The following TSHZ3 variants were observed in gnomAD, a reference collection of about 807,000 sequenced individuals.
TSHZ3 encodes teashirt homolog 3.
A neutral mutation model predicts 64.5 loss-of-function variants in TSHZ3; 10 were observed. That is an observed-to-expected ratio of 0.16 (90% confidence interval 0.10 to 0.26). The LOEUF (loss-of-function observed/expected upper bound fraction) is 0.26. TSHZ3 is among the 10% of genes least tolerant of loss of function. The pLI is 1.00. For synonymous variants in TSHZ3, 608 were observed against 593.1 expected (o/e 1.03, Z -0.36); for missense variants, 1,242 against 1,421.7 (o/e 0.87, Z 2.03).
downstream of TSHZ3, among the ~76,000 whole-genome samples, chr19:31,270,096 G>A (rs907131146): frequency 6.6e-6 from 1 of 152,170 alleles, no homozygotes; most frequent in African/African-American, 2.4e-5. Flanking sequence ...GAGAATGATC[G>A]GCAACTTCAT....
chr19:31,330,694 T>C (rs143228355), intron 1 of TSHZ3, among the ~76,000 whole-genome samples: 3,316 of 100,900 alleles, frequency 0.033, 56 homozygotes, highest in Non-Finnish European at 0.053. Context: ...AGCCAAGTGC[T>C]GTTTAATCCT....
At chr19:31,349,448 A>T (rs1300815040), upstream of TSHZ3, 1 of 329,428 alleles carries the variant, frequency 3.0e-6, no homozygotes, top group African/African-American at 2.3e-5. Flanking sequence ...AGGGCGGGCG[A>T]GGGAGGCTCG....
intron 3 of TSHZ3, among the ~76,000 whole-genome samples, chr19:31,240,226 G>A (rs1372116639): frequency 6.6e-6 from 1 of 152,092 alleles, no homozygotes; most frequent in East Asian, 1.9e-4. Context: ...TTTACATTAT[G>A]TAAAATTTTC....
rs561087024 is a variant in TSHZ3, at chr19:31,324,839, T to C, written c.40+24341A>G. 7.0e-4 allele frequency among the ~76,000 whole-genome samples: 107 copies of C among 152,358 alleles called. 1 individual carries two copies. The highest frequency in any genetic ancestry group is 1.3e-3 in the Non-Finnish European group (91 of 68,034). Reference sequence around the variant, plus strand: ...AAGCACAGTGATTTTTTTTTTATTTTTTCAATTCCGTAAGTGGAAAGTGAA... The same window carrying C: ...AAGCACAGTGATTTTTTTTTTATTTCTTCAATTCCGTAAGTGGAAAGTGAA... On this transcript the variant is annotated intron_variant, in intron 1 of 1. Coordinates refer to ENST00000240587, the MANE Select transcript of TSHZ3 (RefSeq NM_020856.4).
intron 1 of TSHZ3, among the ~76,000 whole-genome samples, chr19:31,348,325 C>T (rs907528912): frequency 7.0e-4 from 107 of 152,250 alleles, no homozygotes; most frequent in African/African-American, 2.5e-3. Context: ...TTCTTCCAGG[C>T]AACATGCCCC....
intron 6 of TSHZ3, among the ~76,000 whole-genome samples, chr19:31,153,126 C>T (rs568656750): frequency 2.0e-4 from 31 of 152,208 alleles, no homozygotes; most frequent in African/African-American, 7.2e-4. Flanking sequence ...ACTAATCCTG[C>T]CATTGGAGTT....
At position 31,277,538 on chromosome 19, in the gene TSHZ3, T is replaced by C. The variant is rs1454140959; in HGVS notation, c.2255A>G (p.Lys752Arg). 1 of 1,601,298 alleles carries C rather than the reference T, an allele frequency of 6.2e-7. No homozygotes were observed. The highest frequency in any genetic ancestry group is 1.3e-5 in the African/African-American group (1 of 74,638). Reference sequence around the variant, plus strand: ...CTTCTCCGCCAGGCTGTTGCTCATCTTGAAAAGCATGCTCATGGGGTCCAG... The same window carrying C: ...CTTCTCCGCCAGGCTGTTGCTCATCCTGAAAAGCATGCTCATGGGGTCCAG... ...PALDPMSMLF[K>R]MSNSLAEKAA... The change falls in exon 2 of 2, where the codon AAG becomes AGG. Residue 752 changes from lysine to arginine, a missense_variant. Lys to Arg is a conservative substitution (Grantham distance 26). Around this residue, in one of 4 missense-constraint regions of TSHZ3, gnomAD observed 550 missense variants for 545.1 expected, o/e 1.01. Coordinates refer to ENST00000240587, the MANE Select transcript of TSHZ3 (RefSeq NM_020856.4). The surrounding 1 kb of genome is among the most constrained non-coding windows in gnomAD (Gnocchi z 4.5).
chr19:31,192,893 A>G (rs780839497), intron 5 of TSHZ3, among the ~76,000 whole-genome samples: 3 of 152,198 alleles, frequency 2.0e-5, no homozygotes, highest in Non-Finnish European at 4.4e-5. Context: ...AACAGTAGAG[A>G]AAGTGTAAAC....
At chr19:31,280,337 CTTT>C (rs993688645) in intron 1 of TSHZ3, among the ~76,000 whole-genome samples, 3 of 144,986 alleles carry the variant, frequency 2.1e-5, no homozygotes, top group Admixed American at 6.9e-5. Context: ...GATTTTGTGG[CTTT>C]TTTTTTTTCT....
At chr19:31,223,068 G>T (rs184734033) in intron 4 of TSHZ3, among the ~76,000 whole-genome samples, 32 of 152,180 alleles carry the variant, frequency 2.1e-4, no homozygotes, top group African/African-American at 7.2e-4. Context: ...CTGTTGAGAG[G>T]GCATTAGAGA....
chr19:31,230,866 A>AT (rs955783066), intron 3 of TSHZ3, among the ~76,000 whole-genome samples: 14 of 149,860 alleles, frequency 9.3e-5, no homozygotes, highest in African/African-American at 2.2e-4. Flanking sequence ...CGCGCGGCTA[A>AT]TTTTTTTTTG....
At chr19:31,285,892 C>A (rs565659499) in intron 1 of TSHZ3, among the ~76,000 whole-genome samples, 8 of 151,540 alleles carry the variant, frequency 5.3e-5, no homozygotes, top group Admixed American at 3.9e-4. Context: ...AAGATGGGAA[C>A]CTCTGCTGCC....
At chr19:31,222,627 A>G (rs1489145975) in intron 4 of TSHZ3, among the ~76,000 whole-genome samples, 1 of 152,186 alleles carries the variant, frequency 6.6e-6, no homozygotes, top group Non-Finnish European at 1.5e-5. Context: ...CTGGAGCTTC[A>G]GCTTCAGTTT....
chr19:31,308,557 CT>C, intron 1 of TSHZ3: 1 of 397,438 alleles, frequency 2.5e-6, no homozygotes, highest in Non-Finnish European at 4.4e-6. Context: ...GCTCTCGATC[CT>C]TTTTGGAAAT....
At chr19:31,213,801 G>A (rs145463448) in intron 4 of TSHZ3, among the ~76,000 whole-genome samples, 1 of 152,328 alleles carries the variant, frequency 6.6e-6, no homozygotes, top group African/African-American at 2.4e-5. Flanking sequence ...CTTAGCGCAC[G>A]TTTGGTGCCC....
chr19:31,214,261 A>C (rs899132804), intron 4 of TSHZ3, among the ~76,000 whole-genome samples: 1 of 152,190 alleles, frequency 6.6e-6, no homozygotes, highest in Non-Finnish European at 1.5e-5. Flanking sequence ...CCGCAGGGTA[A>C]CCAGAGGCTG....
downstream of TSHZ3, among the ~76,000 whole-genome samples, chr19:31,271,512 G>T (rs1443107400): frequency 2.6e-5 from 4 of 152,206 alleles, no homozygotes; most frequent in African/African-American, 9.6e-5. Context: ...TCACAGAGGA[G>T]CTTGTCTTCC....
At chr19:31,288,800 C>T (rs978405086) in intron 1 of TSHZ3, among the ~76,000 whole-genome samples, 31 of 152,300 alleles carry the variant, frequency 2.0e-4, no homozygotes, top group Non-Finnish European at 4.0e-4. Context: ...GTCGGCCTCC[C>T]AAAGCACTGA....
chr19:31,153,445 G>A (rs531372036), intron 6 of TSHZ3, among the ~76,000 whole-genome samples: 1 of 152,302 alleles, frequency 6.6e-6, no homozygotes, highest in African/African-American at 2.4e-5. Context: ...ATGGATTGCA[G>A]TTTTGGCAGA....
Sources: gnomAD v4.1 joint callset for allele counts (sites outside exome capture counted in the v4.1 genomes callset) on GRCh38, gnomAD v4.1.1 for gene constraint, gnomAD v4.1.1 regional missense constraint, Gnocchi (gnomAD v3.1) non-coding constraint, MANE v1.5 for transcripts, NCBI Gene and HGNC (gene_info 2026-07-23, HGNC 2026-07-21) for gene names.